CABCOCO1: variants seen among roughly 807,000 people sequenced by gnomAD.
CABCOCO1 encodes ciliary associated calcium binding coiled-coil 1.
CABCOCO1 carries 28 observed loss-of-function variants against 35.7 expected under a neutral mutation model. The ratio of observed to expected loss-of-function variants is 0.78; its 90% CI spans 0.58 to 1.07. The LOEUF is 1.07. Ranked by LOEUF, CABCOCO1 falls within the 50% of genes least tolerant of loss-of-function variation. CABCOCO1 has a pLI of 0.00. For synonymous variants in CABCOCO1, 95 were observed against 100.1 expected (o/e 0.95, Z 0.30); for missense variants, 326 against 309.2 (o/e 1.05, Z -0.41).
chr10:61,717,055 T>G (rs1840885200), intron 5 of CABCOCO1, among the ~76,000 whole-genome samples: 1 of 152,130 alleles, frequency 6.6e-6, no homozygotes, highest in East Asian at 1.9e-4. Flanking sequence ...TAACTATGTG[T>G]CAGGCACAAT....
intron 5 of CABCOCO1, among the ~76,000 whole-genome samples, chr10:61,691,501 T>A (rs1278726790): frequency 1.3e-5 from 2 of 152,194 alleles, no homozygotes; most frequent in African/African-American, 4.8e-5. Context: ...TTTTATTTTA[T>A]TTTTTATTAT....
chr10:61,684,982 C>T (rs1048936925), intron 3 of CABCOCO1: 2 of 152,084 alleles, frequency 1.3e-5, no homozygotes, highest in Admixed American at 6.6e-5. Flanking sequence ...AAGACGGTTT[C>T]GGGTGTTTGT....
At chr10:61,729,017 AG>A (rs1211778099) in intron 5 of CABCOCO1, among the ~76,000 whole-genome samples, 1 of 152,188 alleles carries the variant, frequency 6.6e-6, no homozygotes, top group East Asian at 1.9e-4. Flanking sequence ...TTGTGACTGT[AG>A]AAGGGAGTTA....
chr10:61,756,866 T>G (rs1841907332), intron 5 of CABCOCO1, among the ~76,000 whole-genome samples: 1 of 151,952 alleles, frequency 6.6e-6, no homozygotes, highest in Non-Finnish European at 1.5e-5. Context: ...TTTTTCCAGA[T>G]TTAAGAGGTA....
intron 5 of CABCOCO1, among the ~76,000 whole-genome samples, chr10:61,693,992 A>G (rs1443537990): frequency 2.6e-5 from 4 of 152,028 alleles, no homozygotes; most frequent in African/African-American, 7.2e-5. Flanking sequence ...AACACAAAAC[A>G]GTTATGAGAT....
At position 61,666,579 on chromosome 10, in the gene CABCOCO1, A is replaced by C. The variant is rs1162130009; in HGVS notation, c.60+3547A>C. Among the ~76,000 whole-genome samples, 4 of 152,188 alleles carry C rather than the reference A, an allele frequency of 2.6e-5. No homozygotes were observed. In the East Asian group the frequency reaches 7.7e-4, roughly 29 times the overall value. On this transcript the variant is annotated intron_variant, in intron 1 of 7. Transcript: ENST00000648843. ...TTTGGGTTTACTGTCTTATTTAAGA[A>C]GTCCTGCTCCTCCTCTCCCTTCTGT...
intron 2 of CABCOCO1, among the ~76,000 whole-genome samples, chr10:61,679,329 C>CTATATCTATCTA (rs60971419): frequency 0.074 from 10,455 of 142,172 alleles, 413 homozygotes; most frequent in Admixed American, 0.1. Context: ...ATATCTATAT[C>CTATATCTATCTA]TATCTATATC....
chr10:61,675,146 T>G (rs73287759), intron 2 of CABCOCO1, among the ~76,000 whole-genome samples: 5,003 of 152,128 alleles, frequency 0.033, 299 homozygotes, highest in African/African-American at 0.11. Flanking sequence ...ATACCAAACT[T>G]CCTAAAACAC....
intron 5 of CABCOCO1, among the ~76,000 whole-genome samples, chr10:61,724,586 G>A (rs1841098796): frequency 6.6e-6 from 1 of 152,164 alleles, no homozygotes; most frequent in South Asian, 2.1e-4. Flanking sequence ...TTTTATATGA[G>A]TGAACATTCA....
chr10:61,740,454 G>GT (rs1208171421), intron 5 of CABCOCO1, among the ~76,000 whole-genome samples: 2 of 152,184 alleles, frequency 1.3e-5, no homozygotes, highest in African/African-American at 4.8e-5. Context: ...AACATCAGCT[G>GT]TGTAGAAAGC....
At chr10:61,675,956 A>G (rs1487333807) in intron 2 of CABCOCO1, among the ~76,000 whole-genome samples, 3 of 152,218 alleles carry the variant, frequency 2.0e-5, no homozygotes, top group Admixed American at 2.0e-4. Context: ...TCTACACTTC[A>G]TAAAACTTTG....
At chr10:61,675,661 A>G (rs1289029452) in intron 2 of CABCOCO1, among the ~76,000 whole-genome samples, 2 of 152,194 alleles carry the variant, frequency 1.3e-5, no homozygotes, top group Non-Finnish European at 1.5e-5. Context: ...ACTAACTGCT[A>G]GAAACAGAAG....
chr10:61,667,273 C>G (rs1426243010), intron 1 of CABCOCO1, among the ~76,000 whole-genome samples: 4 of 149,204 alleles, frequency 2.7e-5, no homozygotes, highest in African/African-American at 9.8e-5. Flanking sequence ...ACATATTTAT[C>G]TCTACAAAAT....
intron 1 of CABCOCO1, among the ~76,000 whole-genome samples, chr10:61,663,683 C>T (rs1432195549): frequency 6.6e-6 from 1 of 152,100 alleles, no homozygotes; most frequent in African/African-American, 2.4e-5. Context: ...CCTTGGACAC[C>T]AGTGGCTTCC....
At chr10:61,747,911 C>T (rs10509158) in intron 5 of CABCOCO1, among the ~76,000 whole-genome samples, 40,002 of 151,984 alleles carry the variant, frequency 0.26, 5,998 homozygotes, top group African/African-American at 0.41. Context: ...AAAACCAGAA[C>T]GACCCTTCAA....
At position 61,665,012 on chromosome 10, in the gene CABCOCO1, A is replaced by G. The variant is rs777168957; in HGVS notation, c.60+1980A>G. Among the ~76,000 whole-genome samples, 3 of 152,230 alleles carry G rather than the reference A, an allele frequency of 2.0e-5. No individual in the cohort carries two copies. The East Asian group carries it at 5.8e-4, about 29-fold the overall frequency. On this transcript the variant is annotated intron_variant, in intron 1 of 7. Coordinates refer to ENST00000648843, the MANE Select transcript of CABCOCO1 (RefSeq NM_001366906.2). ...CTGTATCCAAAATGACTTAGCCAGT[A>G]GCCCATGTAGTCAACTGAGCCAAGC...
chr10:61,713,371 G>A (rs990146237), intron 5 of CABCOCO1, among the ~76,000 whole-genome samples: 2 of 152,198 alleles, frequency 1.3e-5, no homozygotes, highest in Admixed American at 6.5e-5. Context: ...TGTATCCTGA[G>A]ACTTTGCTGA....
At chr10:61,713,960 C>T (rs1840795861) in intron 5 of CABCOCO1, among the ~76,000 whole-genome samples, 1 of 152,122 alleles carries the variant, frequency 6.6e-6, no homozygotes, top group African/African-American at 2.4e-5. Flanking sequence ...GGATATTGGT[C>T]TACAATTCTC....
chr10:61,690,212 T>C (rs144719044), intron 4 of CABCOCO1, among the ~76,000 whole-genome samples: 16 of 152,246 alleles, frequency 1.1e-4, no homozygotes, highest in African/African-American at 3.8e-4. Context: ...AGTTTCATGT[T>C]ATTTAGTAAT....
Sources: allele counts gnomAD v4.1 joint callset (sites outside exome capture counted in the v4.1 genomes callset), GRCh38; gene constraint gnomAD v4.1.1; transcripts MANE v1.5; gene names NCBI Gene and HGNC (gene_info 2026-07-23, HGNC 2026-07-21).